The following GAPVD1 variants were observed in gnomAD, a reference collection of about 807,000 sequenced individuals.
GAPVD1 encodes GTPase activating protein and VPS9 domains 1, also known as GTPase-activating protein and VPS9 domain-containing protein 1.
A neutral mutation model predicts 155.5 loss-of-function variants in GAPVD1; 35 were observed. The ratio of observed to expected loss-of-function variants is 0.23; its 90% confidence interval spans 0.17 to 0.30. The LOEUF (loss-of-function observed/expected upper bound fraction) is 0.30, where lower values mean the gene tolerates loss of function less well. Ranked by LOEUF, GAPVD1 falls within the 10% of genes least tolerant of loss-of-function variation. GAPVD1 has a pLI of 1.00. For synonymous variants in GAPVD1, 636 were observed against 619.7 expected (o/e 1.03, Z -0.39); for missense variants, 1,429 against 1,775.7 (o/e 0.80, Z 3.51).
chr9:125,271,241 G>A (rs994656771), intron 2 of GAPVD1, among the ~76,000 whole-genome samples: 5 of 152,080 alleles, frequency 3.3e-5, no homozygotes, highest in East Asian at 1.9e-4. Context: ...ATGTCTGTCC[G>A]AAAAGGTGCT....
intron 27 of GAPVD1, among the ~76,000 whole-genome samples, chr9:125,362,338 T>C (rs1428401701): frequency 1.3e-5 from 2 of 152,198 alleles, no homozygotes; most frequent in African/African-American, 4.8e-5. Context: ...TAGTTCAGCC[T>C]TCTTAGAAAT....
chr9:125,329,595 A>T (rs1822937390), intron 12 of GAPVD1, among the ~76,000 whole-genome samples: 1 of 149,610 alleles, frequency 6.7e-6, no homozygotes, highest in Admixed American at 6.7e-5. Flanking sequence ...AGTTATTCTT[A>T]CTTTGGCCTC....
At position 125,355,693 on chromosome 9, in the gene GAPVD1, T is replaced by C. The variant is rs970560621; in HGVS notation, c.3807T>C (p.Asp1269=). The C allele has an allele frequency of 6.2e-7, 1 of 1,613,736 alleles. No homozygotes were observed. Among genetic ancestry groups the C allele is most frequent in the Non-Finnish European group, 8.5e-7 (1 of 1,179,778 alleles). ...AADDKTAQVE[D]FLQFLYGAMA... ...ACGATAAAACTGCTCAGGTAGAAGA[T>C]TTTCTGCAGTTTCTTTATGGTGCAA... Residue 1269 remains aspartate, a synonymous_variant, in exon 25 of 28, where the codon GAT becomes GAC. Coordinates refer to ENST00000297933, the MANE Select transcript of GAPVD1 (RefSeq NM_001282680.3).
intron 19 of GAPVD1, among the ~76,000 whole-genome samples, chr9:125,345,326 A>G (rs1285546442): frequency 6.6e-6 from 1 of 152,020 alleles, no homozygotes; most frequent in Non-Finnish European, 1.5e-5. Flanking sequence ...GATTATAGGC[A>G]TGCGCCACCA....
Position 125,311,221 on chromosome 9 carries a change from T to C in GAPVD1, c.1442-1231T>C, listed in dbSNP as rs140908526. On this transcript the variant is annotated intron_variant, in intron 8 of 27. Transcript: ENST00000297933. ...AATAATTGAAGCCTTTATTAATTTATACTGTTTCCAAAGCAGAAAGGACCT... is the reference window on the plus strand; with the variant it reads ...AATAATTGAAGCCTTTATTAATTTACACTGTTTCCAAAGCAGAAAGGACCT... 6.9e-3 allele frequency among the ~76,000 whole-genome samples: 1,046 copies of C among 152,332 alleles called. 10 individuals are homozygous for C. The highest frequency in any genetic ancestry group is 0.024 in the African/African-American group (996 of 41,580).
intron 9 of GAPVD1, 116 bp downstream of exon 9, chr9:125,312,728 T>C (rs1842835234): frequency 1.4e-6 from 1 of 696,698 alleles, no homozygotes; most frequent in Non-Finnish European, 2.3e-6. Context: ...TTCTCACATT[T>C]GTAGAGGCCA....
rs141172460 is a variant in GAPVD1, at chr9:125,291,450, G to A, written c.-149-4008G>A. On this transcript the variant is annotated intron_variant, in intron 2 of 27. Coordinates refer to ENST00000297933, the MANE Select transcript of GAPVD1 (RefSeq NM_001282680.3). ...GAAGTGATTATAATGATTGGCCATGGGATTTACACTAGCTAGGTAAGGAGG... is the reference window on the plus strand; with the variant it reads ...GAAGTGATTATAATGATTGGCCATGAGATTTACACTAGCTAGGTAAGGAGG... Among the ~76,000 whole-genome samples the A allele has an allele frequency of 6.0e-3, 909 of 152,196 alleles. 11 individuals are homozygous for A. Among genetic ancestry groups the A allele is most frequent in the South Asian group, 0.029 (140 of 4,824 alleles).
chr9:125,320,919 C>A (rs1206182843), intron 9 of GAPVD1, among the ~76,000 whole-genome samples: 1 of 152,186 alleles, frequency 6.6e-6, no homozygotes, highest in East Asian at 1.9e-4. Flanking sequence ...ATCCTCTGCG[C>A]CCAGCCTTGT....
chr9:125,328,885 C>T (rs985096896), intron 12 of GAPVD1, among the ~76,000 whole-genome samples: 11 of 152,196 alleles, frequency 7.2e-5, no homozygotes, highest in African/African-American at 2.4e-4. Context: ...CAGGGGGGCT[C>T]ACCTCGGGAG....
chr9:125,305,089 A>G lies in GAPVD1; in HGVS notation c.1056A>G (p.Ala352=), dbSNP rs1393425560. The part of the protein sequence containing the change: ...MQVGRLLQQL[A]MTGSEEGDPR... The stretch of plus-strand genomic sequence containing the variant: ...TAGGCCGCCTTTTGCAGCAGTTAGC[A>G]ATGACTGGCTCTGAAGAGGGAGATC... Residue 352 remains alanine, a synonymous_variant, in exon 6 of 28, where the codon GCA becomes GCG. Transcript: ENST00000297933. The G allele has an allele frequency of 6.2e-7, 1 of 1,614,050 alleles. No individual in the cohort carries two copies. The highest frequency in any genetic ancestry group is 1.7e-5 in the Admixed American group (1 of 60,008).
At chr9:125,332,941 T>G (rs1846296181) in intron 15 of GAPVD1, among the ~76,000 whole-genome samples, 1 of 152,200 alleles carries the variant, frequency 6.6e-6, no homozygotes, top group African/African-American at 2.4e-5. Flanking sequence ...GCTAAATAAT[T>G]TTGATGTAAC....
chr9:125,273,646 C>A (rs118139057), intron 2 of GAPVD1, among the ~76,000 whole-genome samples: 1 of 151,898 alleles, frequency 6.6e-6, no homozygotes, highest in South Asian at 2.1e-4. Context: ...TTGTTATGAG[C>A]GAGGTGGGTC....
At chr9:125,284,360 A>G (rs946590703) in intron 2 of GAPVD1, among the ~76,000 whole-genome samples, 3 of 150,362 alleles carry the variant, frequency 2.0e-5, no homozygotes, top group Non-Finnish European at 4.4e-5. Context: ...TTGTATTTTT[A>G]GTAGAGATGG....
At chr9:125,296,981 G>A (rs1839991921) in intron 3 of GAPVD1, among the ~76,000 whole-genome samples, 1 of 152,110 alleles carries the variant, frequency 6.6e-6, no homozygotes, top group African/African-American at 2.4e-5. Flanking sequence ...TTGCTAACTT[G>A]ATGACTGTCT....
chr9:125,340,205 G>C (rs1349050841), intron 17 of GAPVD1, among the ~76,000 whole-genome samples: 1 of 152,164 alleles, frequency 6.6e-6, no homozygotes, highest in African/African-American at 2.4e-5. Flanking sequence ...ATTTTTAGTA[G>C]AGATGAGGTT....
At chr9:125,328,054 C>T (rs1426060956) in intron 12 of GAPVD1, among the ~76,000 whole-genome samples, 6 of 151,160 alleles carry the variant, frequency 4.0e-5, no homozygotes, top group Non-Finnish European at 5.9e-5. Context: ...TTTTTCATGC[C>T]CTGAAGTAGA....
intron 2 of GAPVD1, among the ~76,000 whole-genome samples, chr9:125,280,575 C>CT (rs1197408782): frequency 2.2e-3 from 296 of 137,666 alleles, no homozygotes; most frequent in Middle Eastern, 3.8e-3. Flanking sequence ...GTTACTACTA[C>CT]TTTTTTTTTT....
At chr9:125,348,665 C>A (rs1394295125) in intron 20 of GAPVD1, among the ~76,000 whole-genome samples, 1 of 151,970 alleles carries the variant, frequency 6.6e-6, no homozygotes. Context: ...GTGTGTGCCA[C>A]CATACGTGGC....
At position 125,354,817 on chromosome 9, in the gene GAPVD1, A is replaced by G; in HGVS notation, c.3733A>G (p.Lys1245Glu). ...CVRLLLESKEKKIREFIQDFQ... is the reference protein window; with the variant it reads ...CVRLLLESKEEKIREFIQDFQ... Reference sequence around the variant, plus strand: ...GAGATTACTGCTTGAGAGCAAAGAAAAGAAGATCAGGGAATTCATTCAAGG... The same window carrying G: ...GAGATTACTGCTTGAGAGCAAAGAAGAGAAGATCAGGGAATTCATTCAAGG... The change falls in exon 24 of 28, where the codon AAG becomes GAG. Residue 1245 changes from lysine (K) to glutamate (E), a missense_variant. Around this residue, in one of 4 missense-constraint regions of GAPVD1, gnomAD observed 699 missense variants for 826.0 expected, o/e 0.85. Coordinates refer to ENST00000297933, the MANE Select transcript of GAPVD1 (RefSeq NM_001282680.3). 6.2e-7 allele frequency: 1 copy of G among 1,613,550 alleles called. No individual in the cohort carries two copies. Among genetic ancestry groups the G allele is most frequent in the Non-Finnish European group, 8.5e-7 (1 of 1,179,424 alleles).
Sources: gnomAD v4.1 joint callset for allele counts (sites outside exome capture counted in the v4.1 genomes callset) on GRCh38, gnomAD v4.1.1 for gene constraint, gnomAD v4.1.1 regional missense constraint, MANE v1.5 for transcripts, NCBI Gene and HGNC (gene_info 2026-07-23, HGNC 2026-07-21) for gene names.